Variants in GALNT18 observed in about 807,000 individuals in gnomAD.
The protein encoded by GALNT18 is GalNAc-transferase 18.
A neutral mutation model predicts 69.5 loss-of-function variants in GALNT18; 44 were observed. The ratio of observed to expected loss-of-function variants is 0.63; its 90% CI spans 0.50 to 0.81. The LOEUF is 0.81. GALNT18 is among the 40% of genes least tolerant of loss of function. The pLI is 0.00. For missense variants in GALNT18, 715 were observed against 810.0 expected (o/e 0.88, Z 1.42); for synonymous variants, 364 against 318.2 (o/e 1.14, Z -1.53).
Position 11,555,616 on chromosome 11 carries a change from C to T in GALNT18, c.235+65743G>A, listed in dbSNP as rs1471685076. Among the ~76,000 whole-genome samples the T allele has an allele frequency of 6.6e-6, 1 of 152,152 alleles. No homozygotes were observed. Among genetic ancestry groups the T allele is most frequent in the Non-Finnish European group, 1.5e-5 (1 of 68,034 alleles). The stretch of plus-strand genomic sequence containing the variant: ...TTAAGCCACCCACTTTATTACAGAA[C>T]CCTAGGAAATTGAAACACCCACTAA... On this transcript the variant is annotated intron_variant, in intron 1 of 10. Coordinates refer to ENST00000227756, the MANE Select transcript of GALNT18 (RefSeq NM_198516.3). This position sits in a 1 kb window ranked among gnomAD's most constrained non-coding sequence, Gnocchi z 4.7.
At chr11:11,349,256 G>A (rs10732452) in intron 6 of GALNT18, among the ~76,000 whole-genome samples, 130,114 of 152,130 alleles carry the variant, frequency 0.86, 59,266 homozygotes, top group East Asian at 1. Context: ...TCCTCGGAAC[G>A]CGCTTGTATG....
At chr11:11,351,942 C>T (rs547727402) in intron 6 of GALNT18, 18 of 1,577,280 alleles carry the variant, frequency 1.1e-5, no homozygotes, top group South Asian at 9.2e-5. Context: ...CAGATAGGGC[C>T]GTTACTGCTG....
At chr11:11,524,819 G>A (rs561819028) in intron 1 of GALNT18, among the ~76,000 whole-genome samples, 46 of 152,342 alleles carry the variant, frequency 3.0e-4, no homozygotes, top group African/African-American at 1.1e-3. Context: ...AAATGTATAA[G>A]TAAATAGGAC....
At chr11:11,312,898 A>G (rs1042354500) in intron 9 of GALNT18, among the ~76,000 whole-genome samples, 11 of 152,186 alleles carry the variant, frequency 7.2e-5, no homozygotes, top group Non-Finnish European at 1.0e-4. Flanking sequence ...CTGGAGAATA[A>G]AACAAAGGCC....
chr11:11,533,817 C>T (rs1207905080), intron 1 of GALNT18, among the ~76,000 whole-genome samples: 6 of 152,186 alleles, frequency 3.9e-5, no homozygotes, highest in Non-Finnish European at 7.3e-5. Flanking sequence ...GTAGATGCCT[C>T]GTTTCTCTGC....
chr11:11,283,753 T>C (rs1324631231), intron 10 of GALNT18, among the ~76,000 whole-genome samples: 1 of 152,118 alleles, frequency 6.6e-6, no homozygotes, highest in Non-Finnish European at 1.5e-5. Flanking sequence ...AAACACACAA[T>C]ACTTTTAATT....
chr11:11,347,325 T>C lies in GALNT18; in HGVS notation c.1093-6321A>G, dbSNP rs1169692838. Among the ~76,000 whole-genome samples the C allele has an allele frequency of 6.6e-6, 1 of 152,242 alleles. No individual in the cohort carries two copies. The highest frequency in any genetic ancestry group is 1.5e-5 in the Non-Finnish European group (1 of 68,044). ...GTAGACAAAGCAATGGGATGTAGTT[T>C]GATAATCTCTTCTACTCCAAGACTC... On this transcript the variant is annotated intron_variant, in intron 6 of 10. Coordinates refer to ENST00000227756, the MANE Select transcript of GALNT18 (RefSeq NM_198516.3). This position sits in a 1 kb window ranked among gnomAD's most constrained non-coding sequence, Gnocchi z 4.0.
At position 11,309,434 on chromosome 11, in the gene GALNT18, T is replaced by A. The variant is rs531969773; in HGVS notation, c.1513-16241A>T. The stretch of plus-strand genomic sequence containing the variant: ...AATTTTCTTTCTTTCCTTCTATACT[T>A]ACCACTCTTTCCTGACCTCTCCCTA... On this transcript the variant is annotated intron_variant, in intron 9 of 10. Coordinates refer to ENST00000227756, the MANE Select transcript of GALNT18 (RefSeq NM_198516.3). The surrounding 1 kb of genome is among the most constrained non-coding windows in gnomAD (Gnocchi z 4.6). Among the ~76,000 whole-genome samples, 1 of 151,774 alleles carries A rather than the reference T, an allele frequency of 6.6e-6. No homozygotes were observed. Among genetic ancestry groups the A allele is most frequent in the East Asian group, 1.9e-4 (1 of 5,172 alleles).
chr11:11,367,000 G>A (rs1306830521), intron 6 of GALNT18, among the ~76,000 whole-genome samples: 2 of 152,162 alleles, frequency 1.3e-5, no homozygotes, highest in African/African-American at 4.8e-5. Context: ...GCTTTAATAA[G>A]CTATTCTCTA....
intron 1 of GALNT18, among the ~76,000 whole-genome samples, chr11:11,490,298 A>G (rs1856741569): frequency 6.6e-6 from 1 of 151,150 alleles, no homozygotes; most frequent in Admixed American, 6.6e-5. Context: ...AATACAGCAA[A>G]AAGGCCCTTA....
intron 1 of GALNT18, among the ~76,000 whole-genome samples, chr11:11,560,196 GT>G (rs1565012905): frequency 2.4e-3 from 285 of 120,380 alleles, no homozygotes; most frequent in Middle Eastern, 0.014. Context: ...GATGGGATGG[GT>G]GAGATAGAAT....
At chr11:11,376,485 G>A (rs1181213554) in intron 5 of GALNT18, among the ~76,000 whole-genome samples, 1 of 152,226 alleles carries the variant, frequency 6.6e-6, no homozygotes, top group Non-Finnish European at 1.5e-5. Flanking sequence ...TCATTCATGA[G>A]TCTAGGAAGA....
At chr11:11,615,320 CA>C (rs1340079819) in intron 1 of GALNT18, among the ~76,000 whole-genome samples, 5 of 152,194 alleles carry the variant, frequency 3.3e-5, no homozygotes, top group Admixed American at 6.5e-5. Flanking sequence ...TCATGGCGAA[CA>C]ACCTGCTGTT....
At chr11:11,558,879 T>G (rs1346917935) in intron 1 of GALNT18, among the ~76,000 whole-genome samples, 4 of 152,208 alleles carry the variant, frequency 2.6e-5, no homozygotes, top group African/African-American at 7.2e-5. Flanking sequence ...ACTGTCCTGA[T>G]GCTCAAGGGC....
At chr11:11,514,100 C>T (rs185975691) in intron 1 of GALNT18, among the ~76,000 whole-genome samples, 38 of 152,330 alleles carry the variant, frequency 2.5e-4, no homozygotes, top group African/African-American at 8.7e-4. Flanking sequence ...AAAATACGCT[C>T]ACTTAAAGAG....
chr11:11,485,422 G>C (rs907880525), intron 1 of GALNT18, among the ~76,000 whole-genome samples: 5 of 152,198 alleles, frequency 3.3e-5, no homozygotes, highest in Admixed American at 3.3e-4. Flanking sequence ...ATGTTTACCA[G>C]TGTATTATAA....
At chr11:11,373,762 G>T (rs141411434) in intron 5 of GALNT18, among the ~76,000 whole-genome samples, 1 of 152,218 alleles carries the variant, frequency 6.6e-6, no homozygotes, top group African/African-American at 2.4e-5. Flanking sequence ...GTGAGTTAGC[G>T]TGAGAGCACG....
chr11:11,488,263 C>T (rs576295843), intron 1 of GALNT18, among the ~76,000 whole-genome samples: 3 of 152,304 alleles, frequency 2.0e-5, no homozygotes, highest in Admixed American at 6.5e-5. Context: ...CCTGCAGGCT[C>T]TCGCGGAGAA....
chr11:11,538,905 C>G lies in GALNT18; in HGVS notation c.235+82454G>C, dbSNP rs1284599023. On this transcript the variant is annotated intron_variant, in intron 1 of 10. Coordinates refer to ENST00000227756, the MANE Select transcript of GALNT18 (RefSeq NM_198516.3). This position sits in a 1 kb window ranked among gnomAD's most constrained non-coding sequence, Gnocchi z 5.2. ...CCTTCAGAGATCCCAGTAAAAGATGCTTTGTCAACAGAGGTGCCCCCCAGA... is the reference window on the plus strand; with the variant it reads ...CCTTCAGAGATCCCAGTAAAAGATGGTTTGTCAACAGAGGTGCCCCCCAGA... Among the ~76,000 whole-genome samples the G allele has an allele frequency of 1.3e-5, 2 of 152,188 alleles. No homozygotes were observed. The highest frequency in any genetic ancestry group is 2.9e-5 in the Non-Finnish European group (2 of 68,040).
Sources: allele counts gnomAD v4.1 joint callset (sites outside exome capture counted in the v4.1 genomes callset), GRCh38; gene constraint gnomAD v4.1.1; non-coding constraint Gnocchi (gnomAD v3.1); transcripts MANE v1.5; gene names NCBI Gene and HGNC (gene_info 2026-07-23, HGNC 2026-07-21).